The following SLC12A7 variants were observed in gnomAD, a reference collection of about 807,000 sequenced individuals.
SLC12A7 encodes K-Cl cotransporter 4.
SLC12A7 carries 100 observed loss-of-function variants against 120.6 expected under a neutral mutation model. The observed-to-expected ratio is 0.83, with a 90% CI of 0.71 to 0.98. The LOEUF is 0.98. Among genes scored for constraint, SLC12A7 ranks in the 50% least tolerant of loss-of-function variants. The probability of loss-of-function intolerance (pLI) is 0.00; values close to 1 mark genes in which losing one functional copy is unlikely to be tolerated. For missense variants in SLC12A7, 1,373 were observed against 1,548.1 expected, an observed-to-expected ratio of 0.89 and a Z score of 1.90; for synonymous variants, 760 against 678.0, an observed-to-expected ratio of 1.12 and a Z score of -1.88.
At chr5:1,089,152 C>T (rs1740221563) in intron 3 of SLC12A7, 24 bp from the exon 4 acceptor site, 3 of 1,609,388 alleles carry the variant, frequency 1.9e-6, no homozygotes, top group African/African-American at 1.3e-5. Flanking sequence ...TAGCGTGTCC[C>T]AGGGGCTCGT....
At chr5:1,129,386 C>T in the SLC12A7 span, among the ~76,000 whole-genome samples, 2 of 152,172 alleles carry the variant, frequency 1.3e-5, no homozygotes, top group African/African-American at 4.8e-5. Context: ...AGGAGGTGGC[C>T]ATGGGCCACC....
chr5:1,141,698 C>T, the SLC12A7 span, among the ~76,000 whole-genome samples: 2 of 152,212 alleles, frequency 1.3e-5, no homozygotes, highest in South Asian at 2.1e-4. Flanking sequence ...ACAGCAGCTA[C>T]AGCTCAAGTG....
At chr5:1,119,882 C>T in the SLC12A7 span, among the ~76,000 whole-genome samples, 2 of 152,254 alleles carry the variant, frequency 1.3e-5, no homozygotes, top group African/African-American at 4.8e-5. Flanking sequence ...AGGCCACCTG[C>T]CCCCTGTGGC....
At chr5:1,137,512 TC>T in the SLC12A7 span, among the ~76,000 whole-genome samples, 1 of 152,022 alleles carries the variant, frequency 6.6e-6, no homozygotes, top group Non-Finnish European at 1.5e-5. Flanking sequence ...CACCTTCCCT[TC>T]CCGTTGTCCA....
chr5:1,105,791 C>T (rs532433942), intron 1 of SLC12A7, among the ~76,000 whole-genome samples: 4 of 152,330 alleles, frequency 2.6e-5, no homozygotes, highest in Non-Finnish European at 4.4e-5. Context: ...CAGGAGGGCC[C>T]CCAGCCAGCT....
In SLC12A7 at chr5:1,054,704, C is replaced by T. The variant is rs537564951; in HGVS notation, c.3027-1222G>A. Among the ~76,000 whole-genome samples the T allele has an allele frequency of 2.0e-5, 3 of 152,318 alleles. No individual in the cohort carries two copies. In the South Asian group the frequency reaches 6.2e-4, roughly 32 times the overall value. On this transcript the variant is annotated intron_variant, in intron 22 of 23. Transcript: ENST00000264930. ...CCGCCCATGCAGGGTCATGGAGAGG[C>T]CCCACGGACGCTATCCAGGCTCACG...
chr5:1,065,480 T>A lies in SLC12A7; in HGVS notation c.2242-2A>T. ...TGTGCTCATTAGGGACCGTATGTTC[T>A]GCGGGAGACAGGACAGGTTGGTGCT... is the stretch of plus-strand genomic sequence containing the variant. On this transcript the variant is annotated splice_acceptor_variant, in intron 17 of 23. Coordinates refer to ENST00000264930, the MANE Select transcript of SLC12A7 (RefSeq NM_006598.3). LOFTEE classifies it high-confidence loss of function. 6.3e-7 allele frequency: 1 copy of A among 1,575,042 alleles called. No homozygotes were observed. Among genetic ancestry groups the A allele is most frequent in the Middle Eastern group, 1.7e-4 (1 of 5,872 alleles).
At position 1,076,810 on chromosome 5, in the gene SLC12A7, C is replaced by T. The variant is rs1316433617; in HGVS notation, c.1632G>A (p.Val544=). The part of the protein sequence containing the change: ...ARDGIVPFLQ[V]FGHGKANGEP... ...CCCCGTTGGCCTTCCCGTGGCCAAA[C>T]ACCTGCAGGGAGAAGGGCAGGAAGA... is the stretch of plus-strand genomic sequence containing the variant. Residue 544 remains valine, a splice_region_variant and synonymous_variant, in exon 13 of 24, where the codon GTG becomes GTA. Coordinates refer to ENST00000264930, the MANE Select transcript of SLC12A7 (RefSeq NM_006598.3). 1 of 1,604,172 alleles carries T rather than the reference C, an allele frequency of 6.2e-7. No homozygotes were observed. Among genetic ancestry groups the T allele is most frequent in the Non-Finnish European group, 8.5e-7 (1 of 1,175,280 alleles).
chr5:1,121,582 G>A, the SLC12A7 span, among the ~76,000 whole-genome samples: 1 of 152,236 alleles, frequency 6.6e-6, no homozygotes, highest in East Asian at 1.9e-4. Context: ...GCCACTTTGT[G>A]GGACCCAGAG....
rs866598124 is a variant in SLC12A7, at chr5:1,070,032, T to C, written c.2241+3601A>G. 7.2e-3 allele frequency among the ~76,000 whole-genome samples: 158 copies of C among 22,014 alleles called. 1 individual carries two copies. Among genetic ancestry groups the C allele is most frequent in the East Asian group, 0.012 (9 of 736 alleles). The allele number at this position is 22,014 out of a possible 152,430, so 14.4% of individuals were successfully genotyped here. On this transcript the variant is annotated intron_variant, in intron 17 of 23. Transcript: ENST00000264930. ...CCCCAGCACACGGGCATCACACTTA[T>C]GCAGCCCCCAGTGAGCCCCCAGTGA...
intron 1 of SLC12A7, among the ~76,000 whole-genome samples, chr5:1,104,367 G>A (rs1742304611): frequency 6.6e-6 from 1 of 152,230 alleles, no homozygotes; most frequent in African/African-American, 2.4e-5. Context: ...TCTGCAAGGT[G>A]GACATCCCCT....
chr5:1,133,368 G>T, the SLC12A7 span, among the ~76,000 whole-genome samples: 1 of 152,264 alleles, frequency 6.6e-6, no homozygotes, highest in South Asian at 2.1e-4. Flanking sequence ...AATCCCGTCA[G>T]CCCCACCTCC....
chr5:1,085,740 C>CGGAGCCCGCGGGGGTCAGCGCACAGGCA (rs1739795025), intron 6 of SLC12A7, among the ~76,000 whole-genome samples: 1 of 111,222 alleles, frequency 9.0e-6, no homozygotes, highest in African/African-American at 4.0e-5. Flanking sequence ...GCGCACAGGC[C>CGGAGCCCGCGGGGGTCAGCGCACAGGCA]ATGGACAGCC....
chr5:1,124,585 A>AC, the SLC12A7 span, among the ~76,000 whole-genome samples: 1 of 152,194 alleles, frequency 6.6e-6, no homozygotes, highest in Non-Finnish European at 1.5e-5. Flanking sequence ...AGCTCAGAGA[A>AC]CACGGACTGG....
the SLC12A7 span, among the ~76,000 whole-genome samples, chr5:1,130,861 G>C: frequency 6.6e-6 from 1 of 152,198 alleles, no homozygotes; most frequent in Non-Finnish European, 1.5e-5. Context: ...CAAGGGGAGC[G>C]GCTGGGCCAG....
chr5:1,111,128 G>A (rs1384034104), intron 1 of SLC12A7, among the ~76,000 whole-genome samples: 3 of 152,198 alleles, frequency 2.0e-5, no homozygotes, highest in African/African-American at 7.2e-5. Flanking sequence ...CCGGATGGAA[G>A]GGCCTAAGAG....
At chr5:1,117,632 A>T in the SLC12A7 span, among the ~76,000 whole-genome samples, 7 of 152,190 alleles carry the variant, frequency 4.6e-5, no homozygotes, top group Non-Finnish European at 1.0e-4. The surrounding 1 kb of genome is among the most constrained non-coding windows in gnomAD (Gnocchi z 4.5). Flanking sequence ...CACTCAGACC[A>T]ATAGACTGGC....
At chr5:1,082,641 C>T in intron 8 of SLC12A7, among the ~76,000 whole-genome samples, 2 of 105,128 alleles carry the variant, frequency 1.9e-5, no homozygotes, top group African/African-American at 9.2e-5. Context: ...GTCCGGGCTT[C>T]CCCGTCTCGG....
the SLC12A7 span, among the ~76,000 whole-genome samples, chr5:1,119,798 C>CAAAT: frequency 2.6e-5 from 4 of 152,288 alleles, no homozygotes; most frequent in African/African-American, 9.6e-5. Context: ...ATGGGGTCCA[C>CAAAT]CGGCGCTGTC....
Sources: allele counts gnomAD v4.1 joint callset (sites outside exome capture counted in the v4.1 genomes callset), GRCh38; gene constraint gnomAD v4.1.1; non-coding constraint Gnocchi (gnomAD v3.1); transcripts MANE v1.5; gene names NCBI Gene and HGNC (gene_info 2026-07-23, HGNC 2026-07-21).